Variants in AUH observed in about 807,000 individuals in gnomAD.
The protein encoded by AUH is AU RNA binding methylglutaconyl-CoA hydratase.
In AUH, 29 loss-of-function variants were observed where a neutral mutation model predicts 42.3. That is an observed-to-expected ratio of 0.69 (90% CI 0.51 to 0.93). The LOEUF (loss-of-function observed/expected upper bound fraction) is 0.93. Among genes scored for constraint, AUH ranks in the 40% least tolerant of loss-of-function variants. The pLI is 0.00. For missense variants in AUH, 452 were observed against 438.1 expected, an observed-to-expected ratio of 1.03 and a Z score of -0.28; for synonymous variants, 174 against 166.4, an observed-to-expected ratio of 1.05 and a Z score of -0.35.
chr9:91,214,909 CT>C (rs1826734647), intron 9 of AUH, among the ~76,000 whole-genome samples: 1 of 152,002 alleles, frequency 6.6e-6, no homozygotes, highest in Non-Finnish European at 1.5e-5. Context: ...TGAAGAATAC[CT>C]TGAATAATTT....
At chr9:91,269,044 GATCT>G (rs1824896603) in intron 6 of AUH, among the ~76,000 whole-genome samples, 1 of 151,686 alleles carries the variant, frequency 6.6e-6, no homozygotes, top group South Asian at 2.1e-4. Flanking sequence ...ACAGTGGTGC[GATCT>G]TGGCTAACTG....
rs1827300098 is a variant in AUH at position 91,296,015 on chromosome 9, T to C, written c.655+6A>G. On this transcript the variant is annotated splice_donor_region_variant and intron_variant, in intron 6 of 9. Transcript: ENST00000375731. ...GATTTGAGGAATGGGCGTGAACTACTCATACCTCCACCAGGAATAATCGCC... is the reference window on the plus strand; with the variant it reads ...GATTTGAGGAATGGGCGTGAACTACCCATACCTCCACCAGGAATAATCGCC... 2 of 1,613,984 alleles carry C rather than the reference T, an allele frequency of 1.2e-6. No homozygotes were observed. Among genetic ancestry groups the C allele is most frequent in the Non-Finnish European group, 1.7e-6 (2 of 1,179,930 alleles).
intron 6 of AUH, among the ~76,000 whole-genome samples, chr9:91,247,333 C>A (rs1347451812): frequency 6.6e-6 from 1 of 152,154 alleles, no homozygotes; most frequent in Non-Finnish European, 1.5e-5. Flanking sequence ...CAGCACCATT[C>A]CCCTTCCCTG....
intron 3 of AUH, among the ~76,000 whole-genome samples, chr9:91,346,877 C>A (rs1422875437): frequency 2.7e-5 from 4 of 145,976 alleles, no homozygotes; most frequent in South Asian, 4.4e-4. Context: ...AAAAAAAAAA[C>A]ACTTTATTTA....
At chr9:91,345,001 A>G (rs1831381515) in intron 3 of AUH, among the ~76,000 whole-genome samples, 1 of 144,676 alleles carries the variant, frequency 6.9e-6, no homozygotes, top group African/African-American at 2.6e-5. Flanking sequence ...AATTCAATAC[A>G]TGTTCATGAA....
At chr9:91,304,990 A>G (rs958256012) in intron 4 of AUH, among the ~76,000 whole-genome samples, 2 of 152,190 alleles carry the variant, frequency 1.3e-5, no homozygotes, top group Admixed American at 6.5e-5. Context: ...AAAAATTTGG[A>G]AAATTTCAGC....
intron 3 of AUH, among the ~76,000 whole-genome samples, chr9:91,339,319 G>GTCAATAAT (rs1830928305): frequency 6.6e-6 from 1 of 152,218 alleles, no homozygotes; most frequent in South Asian, 2.1e-4. Flanking sequence ...ATCATTAAGT[G>GTCAATAAT]AGGGACTGTA....
At chr9:91,305,530 C>T (rs943184995) in intron 4 of AUH, among the ~76,000 whole-genome samples, 1 of 152,180 alleles carries the variant, frequency 6.6e-6, no homozygotes, top group Non-Finnish European at 1.5e-5. Flanking sequence ...ATGTCAAATC[C>T]TGGCTCAATG....
intron 6 of AUH, among the ~76,000 whole-genome samples, chr9:91,256,173 T>C (rs1048040295): frequency 3.3e-5 from 5 of 152,186 alleles, no homozygotes; most frequent in African/African-American, 1.2e-4. Flanking sequence ...CTACCCAGAC[T>C]GTAGCAATTA....
intron 6 of AUH, among the ~76,000 whole-genome samples, chr9:91,276,151 G>A (rs1318493025): frequency 1.3e-5 from 2 of 152,016 alleles, no homozygotes; most frequent in South Asian, 2.1e-4. Context: ...GGAACAGGTC[G>A]AGCGCGGTGG....
chr9:91,244,841 A>G (rs1828708574), intron 6 of AUH, among the ~76,000 whole-genome samples: 1 of 152,214 alleles, frequency 6.6e-6, no homozygotes, highest in African/African-American at 2.4e-5. Flanking sequence ...GCAACAATGG[A>G]TTTACCAAGG....
intron 6 of AUH, among the ~76,000 whole-genome samples, chr9:91,288,109 C>T (rs1826561723): frequency 1.3e-5 from 2 of 151,870 alleles, no homozygotes; most frequent in Non-Finnish European, 1.5e-5. Context: ...CATCTCAATC[C>T]CAGTGGTGTA....
chr9:91,323,884 CA>C (rs1423781997), intron 4 of AUH, among the ~76,000 whole-genome samples: 3 of 151,974 alleles, frequency 2.0e-5, no homozygotes, highest in Non-Finnish European at 4.4e-5. Context: ...ATTTTCTTAA[CA>C]AAATTTATAA....
At chr9:91,358,140 G>A (rs1832577502) in intron 1 of AUH, among the ~76,000 whole-genome samples, 3 of 152,196 alleles carry the variant, frequency 2.0e-5, no homozygotes, top group Non-Finnish European at 4.4e-5. Flanking sequence ...AGTTAATGAT[G>A]CCTAGACTGA....
At chr9:91,340,782 C>G (rs1331288574) in intron 3 of AUH, among the ~76,000 whole-genome samples, 1 of 152,202 alleles carries the variant, frequency 6.6e-6, no homozygotes, top group Non-Finnish European at 1.5e-5. Context: ...GCTCCTCCAG[C>G]TGGAACAAAC....
chr9:91,330,044 C>T (rs1175504966), intron 3 of AUH, among the ~76,000 whole-genome samples: 1 of 152,048 alleles, frequency 6.6e-6, no homozygotes, highest in Non-Finnish European at 1.5e-5. Flanking sequence ...TATAATAAAA[C>T]AGTCATTATT....
chr9:91,221,824 A>G (rs1276603765), intron 6 of AUH, among the ~76,000 whole-genome samples: 2 of 152,266 alleles, frequency 1.3e-5, no homozygotes, highest in Non-Finnish European at 2.9e-5. Flanking sequence ...CACTAGATCC[A>G]TCTATGTATT....
At chr9:91,256,949 TTC>T (rs1421452189) in intron 6 of AUH, among the ~76,000 whole-genome samples, 2 of 152,144 alleles carry the variant, frequency 1.3e-5, no homozygotes, top group African/African-American at 4.8e-5. Context: ...ACATCAAAGC[TTC>T]TCTCTCCTTT....
intron 3 of AUH, among the ~76,000 whole-genome samples, chr9:91,341,305 G>A (rs187247895): frequency 2.9e-4 from 44 of 152,276 alleles, no homozygotes; most frequent in African/African-American, 1.0e-3. Context: ...CCACTAGGGG[G>A]GGCCCATTCT....
Sources: gnomAD v4.1 joint callset for allele counts (sites outside exome capture counted in the v4.1 genomes callset) on GRCh38, gnomAD v4.1.1 for gene constraint, MANE v1.5 for transcripts, NCBI Gene and HGNC (gene_info 2026-07-23, HGNC 2026-07-21) for gene names.